MYBPC1: variants seen among roughly 807,000 people sequenced by gnomAD.
MYBPC1 encodes the protein myosin binding protein C1.
In MYBPC1, 52 loss-of-function variants were observed where a neutral mutation model predicts 147.1. That is an observed-to-expected ratio of 0.35 (90% CI 0.28 to 0.45). MYBPC1 has a LOEUF of 0.45. Among genes scored for constraint, MYBPC1 ranks in the 20% least tolerant of loss-of-function variants. The pLI is 1.00. For synonymous variants in MYBPC1, 477 were observed against 475.9 expected (o/e 1.00, Z -0.03); for missense variants, 1,228 against 1,440.3 (o/e 0.85, Z 2.39).
At chr12:101,662,632 C>G in intron 21 of MYBPC1, 86 bp downstream of exon 21, 1 of 1,437,946 alleles carries the variant, frequency 7.0e-7, no homozygotes, top group Non-Finnish European at 9.7e-7. Context: ...CTGGAACAGG[C>G]CTGGACACTT....
At chr12:101,695,532 A>G in the MYBPC1 span, among the ~76,000 whole-genome samples, 1 of 152,234 alleles carries the variant, frequency 6.6e-6, no homozygotes, top group Non-Finnish European at 1.5e-5. Context: ...AGACTACTGT[A>G]TGGAGAAGTG....
chr12:101,672,762 C>T (rs1391387918), intron 24 of MYBPC1, among the ~76,000 whole-genome samples: 1 of 152,090 alleles, frequency 6.6e-6, no homozygotes, highest in Non-Finnish European at 1.5e-5. Context: ...GCAGGAGAAT[C>T]CCTTGAACCC....
At position 101,683,548 on chromosome 12, in the gene MYBPC1, C is replaced by G. The variant is rs185938557; in HGVS notation, c.3493-834C>G. Among the ~76,000 whole-genome samples the G allele has an allele frequency of 2.5e-3, 388 of 152,268 alleles. 1 individual carries two copies. The highest frequency in any genetic ancestry group is 9.0e-3 in the African/African-American group (372 of 41,550). On this transcript the variant is annotated intron_variant, in intron 30 of 31. Coordinates refer to ENST00000361466, the MANE Select transcript of MYBPC1 (RefSeq NM_002465.4). ...AAGATTTTGGACATTTTCATGGGGA[C>G]TCAAATTATTTCACGTTTATGAACT...
At chr12:101,629,733 C>T (rs1296779907) in intron 6 of MYBPC1, among the ~76,000 whole-genome samples, 189 bp downstream of exon 6, 3 of 152,052 alleles carry the variant, frequency 2.0e-5, no homozygotes, top group Non-Finnish European at 2.9e-5. Context: ...ATTAGCAGGG[C>T]ATGGTGGCAG....
At chr12:101,619,115 T>C (rs1425340922) in intron 3 of MYBPC1, among the ~76,000 whole-genome samples, 1 of 152,092 alleles carries the variant, frequency 6.6e-6, no homozygotes, top group Non-Finnish European at 1.5e-5. Flanking sequence ...ATATCCCCAG[T>C]TGAGAAAGGA....
the MYBPC1 span, among the ~76,000 whole-genome samples, chr12:101,694,252 T>C: frequency 6.6e-6 from 1 of 152,230 alleles, no homozygotes. Flanking sequence ...ACTATCAGGA[T>C]TGTACTTATA....
chr12:101,689,285 T>C (rs776237922), downstream of MYBPC1, among the ~76,000 whole-genome samples: 3 of 152,184 alleles, frequency 2.0e-5, no homozygotes, highest in Non-Finnish European at 2.9e-5. Context: ...ACAGGAATCT[T>C]TCTTGGTGCC....
intron 2 of MYBPC1, among the ~76,000 whole-genome samples, chr12:101,616,618 A>T (rs1235000265): frequency 2.0e-5 from 3 of 152,196 alleles, no homozygotes; most frequent in Non-Finnish European, 4.4e-5. Context: ...AAACACAGAG[A>T]AATGCAAACT....
downstream of MYBPC1, among the ~76,000 whole-genome samples, chr12:101,686,190 C>A (rs1951342388): frequency 6.6e-6 from 1 of 152,138 alleles, no homozygotes; most frequent in Admixed American, 6.5e-5. Context: ...AACTTTCAAA[C>A]AAATTTTCTC....
intron 1 of MYBPC1, among the ~76,000 whole-genome samples, chr12:101,599,306 TTTGTTG>T (rs151191623): frequency 1.1e-4 from 17 of 152,100 alleles, no homozygotes; most frequent in East Asian, 9.7e-4. Context: ...AGAGAACAGT[TTTGTTG>T]TTGTTGTTGT....
chr12:101,617,323 G>A, intron 3 of MYBPC1, 80 bp downstream of exon 3: 1 of 1,437,594 alleles, frequency 7.0e-7, no homozygotes, highest in Middle Eastern at 1.7e-4. Context: ...TGTCATGGTG[G>A]CTCCATAGAA....
At chr12:101,634,271 G>A (rs1890563451) in intron 8 of MYBPC1, among the ~76,000 whole-genome samples, 1 of 152,208 alleles carries the variant, frequency 6.6e-6, no homozygotes, top group African/African-American at 2.4e-5. Context: ...ATCTTTGGCA[G>A]AGAGGATCAA....
chr12:101,627,748 C>T (rs1177527306), intron 4 of MYBPC1, 21 bp from the exon 5 acceptor site: 1 of 1,613,296 alleles, frequency 6.2e-7, no homozygotes, highest in Admixed American at 1.7e-5. Flanking sequence ...CTGCATCACC[C>T]AAATCACACT....
intron 1 of MYBPC1, among the ~76,000 whole-genome samples, chr12:101,606,985 C>G (rs746539710): frequency 5.3e-5 from 8 of 151,994 alleles, no homozygotes; most frequent in Admixed American, 1.3e-4. Context: ...TCACCATGCC[C>G]GACTAATTTC....
chr12:101,646,970 A>T, intron 13 of MYBPC1, 83 bp downstream of exon 13: 3 of 1,543,460 alleles, frequency 1.9e-6, no homozygotes, highest in Non-Finnish European at 2.7e-6. Flanking sequence ...AAAGTAACTG[A>T]GGCTCCTCTA....
chr12:101,649,029 C>T lies in MYBPC1; in HGVS notation c.1197-231C>T, dbSNP rs825052. Among the ~76,000 whole-genome samples the T allele has an allele frequency of 0.086, 13,105 of 152,136 alleles. 827 individuals carry two copies. Among genetic ancestry groups the T allele is most frequent in the African/African-American group, 0.18 (7,463 of 41,492 alleles). ...AGTTGCACCTGATTCATCTTGAGTGCGAGCAGGTGGCTCGTGTTCTTTTAA... is the reference window on the plus strand; with the variant it reads ...AGTTGCACCTGATTCATCTTGAGTGTGAGCAGGTGGCTCGTGTTCTTTTAA... On this transcript the variant is annotated intron_variant, in intron 14 of 31. Coordinates refer to ENST00000361466, the MANE Select transcript of MYBPC1 (RefSeq NM_002465.4).
rs753740971 is a variant in MYBPC1 at position 101,662,383 on chromosome 12, A to G, written c.2058A>G (p.Lys686=). ...ILGYFIERKK[K]QSSRWMRLNF... ...GATATTTTATTGAGAGGAAGAAGAA[A>G]CAAAGCTCCAGGTGGATGAGGCTGA... The change falls in exon 21 of 32, where the codon AAA becomes AAG. Residue 686 remains lysine (K), a synonymous_variant. Coordinates refer to ENST00000361466, the MANE Select transcript of MYBPC1 (RefSeq NM_002465.4). 1 of 1,614,252 alleles carries G rather than the reference A, an allele frequency of 6.2e-7. No individual in the cohort carries two copies. Among genetic ancestry groups the G allele is most frequent in the Non-Finnish European group, 8.5e-7 (1 of 1,180,048 alleles).
chr12:101,623,640 A>G (rs1887936995), intron 3 of MYBPC1, among the ~76,000 whole-genome samples: 1 of 152,218 alleles, frequency 6.6e-6, no homozygotes, highest in Non-Finnish European at 1.5e-5. Context: ...GTTTATATTT[A>G]ATAAAGAAAG....
chr12:101,658,357 A>G (rs1277689713), intron 18 of MYBPC1, among the ~76,000 whole-genome samples: 3 of 150,878 alleles, frequency 2.0e-5, no homozygotes, highest in Non-Finnish European at 4.4e-5. Context: ...TCTCAGCAAA[A>G]TAGAAATAGA....
Sources: gnomAD v4.1 joint callset for allele counts (sites outside exome capture counted in the v4.1 genomes callset) on GRCh38, gnomAD v4.1.1 for gene constraint, MANE v1.5 for transcripts, NCBI Gene and HGNC (gene_info 2026-07-23, HGNC 2026-07-21) for gene names.